Variants in STOX1 observed in about 807,000 individuals in gnomAD.
The protein encoded by STOX1 is storkhead-box protein 1.
In STOX1, 57 loss-of-function variants were observed where a neutral mutation model predicts 74.8. The observed-to-expected ratio is 0.76, with a 90% confidence interval of 0.62 to 0.95. STOX1 has a LOEUF of 0.95. STOX1 is among the 40% of genes least tolerant of loss of function. The pLI is 0.00. For synonymous variants in STOX1, 375 were observed against 401.3 expected (o/e 0.93, Z 0.78); for missense variants, 1,010 against 1,117.0 (o/e 0.90, Z 1.37).
intron 1 of STOX1, among the ~76,000 whole-genome samples, chr10:68,852,596 T>G (rs1355256768): frequency 6.6e-6 from 1 of 151,680 alleles, no homozygotes; most frequent in African/African-American, 2.4e-5. Flanking sequence ...TTTTTTTTTT[T>G]TCTCCAAGAC....
intron 1 of STOX1, among the ~76,000 whole-genome samples, chr10:68,850,506 C>T (rs1839957088): frequency 6.6e-6 from 1 of 152,194 alleles, no homozygotes; most frequent in African/African-American, 2.4e-5. Context: ...TGAAGACATC[C>T]TTTTCAGAAG....
At chr10:68,834,173 T>G (rs1024054986) in intron 1 of STOX1, among the ~76,000 whole-genome samples, 3 of 152,186 alleles carry the variant, frequency 2.0e-5, no homozygotes, top group African/African-American at 7.2e-5. Flanking sequence ...CCCAAATCCC[T>G]CTGAGCATGG....
intron 1 of STOX1, among the ~76,000 whole-genome samples, chr10:68,871,042 A>C (rs1840524131): frequency 6.6e-6 from 1 of 152,228 alleles, no homozygotes; most frequent in South Asian, 2.1e-4. Context: ...GACTGAATAA[A>C]GTCATGAACA....
chr10:68,854,820 G>A (rs992955321), intron 1 of STOX1, among the ~76,000 whole-genome samples: 1 of 152,130 alleles, frequency 6.6e-6, no homozygotes, highest in African/African-American at 2.4e-5. Context: ...ACAGTTGTTA[G>A]GGCTACCAAG....
intron 1 of STOX1, among the ~76,000 whole-genome samples, chr10:68,880,628 A>T (rs1840794104): frequency 6.6e-6 from 1 of 151,518 alleles, no homozygotes; most frequent in African/African-American, 2.4e-5. Context: ...GGTATGTGCC[A>T]AGAGGTATGT....
At chr10:68,829,152 C>A (rs1334648477) in intron 1 of STOX1, among the ~76,000 whole-genome samples, 1 of 152,218 alleles carries the variant, frequency 6.6e-6, no homozygotes, top group Non-Finnish European at 1.5e-5. Context: ...TCATCCTCTT[C>A]CATCCGAGGA....
intron 1 of STOX1, among the ~76,000 whole-genome samples, chr10:68,856,896 C>T (rs1348495920): frequency 6.6e-6 from 1 of 152,130 alleles, no homozygotes; most frequent in Non-Finnish European, 1.5e-5. Flanking sequence ...AGCCTACCTC[C>T]TGATCCCTGG....
intron 1 of STOX1, among the ~76,000 whole-genome samples, chr10:68,864,644 C>G (rs941609878): frequency 1.3e-5 from 2 of 152,224 alleles, no homozygotes; most frequent in Non-Finnish European, 2.9e-5. Context: ...TTCATAAGAT[C>G]TTGCTCTTGA....
intron 1 of STOX1, among the ~76,000 whole-genome samples, chr10:68,846,178 G>T (rs977546388): frequency 5.0e-5 from 7 of 140,202 alleles, no homozygotes; most frequent in South Asian, 2.3e-4. Context: ...ACGGAGTCTC[G>T]CTCTGTCACC....
downstream of STOX1, among the ~76,000 whole-genome samples, chr10:68,894,479 AGTG>A (rs1384776355): frequency 6.6e-6 from 1 of 152,170 alleles, no homozygotes; most frequent in Non-Finnish European, 1.5e-5. Flanking sequence ...TCTCTTTTGC[AGTG>A]GTCAGCTCAC....
chr10:68,880,176 T>TG (rs1840779938), intron 1 of STOX1, among the ~76,000 whole-genome samples: 2 of 151,000 alleles, frequency 1.3e-5, no homozygotes, highest in South Asian at 4.2e-4. Flanking sequence ...TTTTTTTTTT[T>TG]TTTTTTGTTT....
At chr10:68,845,116 T>C (rs1160939569) in intron 1 of STOX1, among the ~76,000 whole-genome samples, 4 of 151,794 alleles carry the variant, frequency 2.6e-5, no homozygotes, top group African/African-American at 4.8e-5. Flanking sequence ...AATTCTTTTT[T>C]CTTCAAGATG....
chr10:68,829,488 G>C (rs920957085), intron 1 of STOX1, among the ~76,000 whole-genome samples: 3 of 152,278 alleles, frequency 2.0e-5, no homozygotes, highest in Non-Finnish European at 2.9e-5. Context: ...TTGCACTCCA[G>C]CCTGGGTGAC....
chr10:68,868,797 ATCTTAATT>A (rs1353053583), intron 1 of STOX1, among the ~76,000 whole-genome samples: 1 of 152,250 alleles, frequency 6.6e-6, no homozygotes, highest in Non-Finnish European at 1.5e-5. Flanking sequence ...TCAAGTTAAT[ATCTTAATT>A]TGGGAAGAAA....
intron 1 of STOX1, among the ~76,000 whole-genome samples, chr10:68,871,233 G>C (rs1396200797): frequency 6.6e-6 from 1 of 152,192 alleles, no homozygotes; most frequent in Non-Finnish European, 1.5e-5. Flanking sequence ...CCGCAGTGAG[G>C]GTGGTGGCCA....
intron 1 of STOX1, among the ~76,000 whole-genome samples, chr10:68,875,784 A>G (rs1489793234): frequency 6.6e-6 from 1 of 152,122 alleles, no homozygotes; most frequent in Admixed American, 6.5e-5. Flanking sequence ...TTTCTAGGCC[A>G]CTGTCATTAG....
At chr10:68,829,084 G>C (rs931019559) in intron 1 of STOX1, 4 of 686,548 alleles carry the variant, frequency 5.8e-6, no homozygotes, top group Middle Eastern at 7.3e-4. Context: ...CAAGTCACCA[G>C]TTGTTCCGCG....
At chr10:68,872,342 CTTTTTTTT>C (rs72451894) in intron 1 of STOX1, among the ~76,000 whole-genome samples, 1 of 89,326 alleles carries the variant, frequency 1.1e-5, no homozygotes, top group Admixed American at 1.3e-4. Context: ...TTTTTCTTTT[CTTTTTTTT>C]TTTTTTTTTT....
At chr10:68,887,834 A>T (rs1192863084) in intron 3 of STOX1, among the ~76,000 whole-genome samples, 1 of 151,934 alleles carries the variant, frequency 6.6e-6, no homozygotes, top group African/African-American at 2.4e-5. Context: ...ACCTCAAGTG[A>T]TCCGCCCTCC....
Sources: gnomAD v4.1 joint callset for allele counts (sites outside exome capture counted in the v4.1 genomes callset) on GRCh38, gnomAD v4.1.1 for gene constraint, MANE v1.5 for transcripts, NCBI Gene and HGNC (gene_info 2026-07-23, HGNC 2026-07-21) for gene names.